Variants in GDA observed in about 807,000 individuals in gnomAD.
GDA encodes cytoplasmic PSD-95 interactor.
Under a neutral mutation model 59.6 loss-of-function variants are expected in GDA, and 18 were observed. The observed-to-expected ratio is 0.30, with a 90% CI of 0.21 to 0.45. The LOEUF (loss-of-function observed/expected upper bound fraction) is 0.45. Ranked by LOEUF, GDA falls within the 20% of genes least tolerant of loss-of-function variation. GDA has a pLI of 1.00. For synonymous variants in GDA, 201 were observed against 201.1 expected (o/e 1.00, Z 0.00); for missense variants, 427 against 552.3 (o/e 0.77, Z 2.27).
At chr9:72,137,563 T>G (rs1362553346) in intron 1 of GDA, among the ~76,000 whole-genome samples, 2 of 151,950 alleles carry the variant, frequency 1.3e-5, no homozygotes, top group Admixed American at 1.3e-4. Flanking sequence ...CCTTTTTAAC[T>G]CTACAATTTT....
chr9:72,152,405 A>G lies in GDA; in HGVS notation c.123+2723A>G, dbSNP rs142972169. ...AATTATCTAGCCAACTTTTTGGTAT[A>G]AAGCAAAATACAGAGTTATACTTTC... On this transcript the variant is annotated intron_variant, in intron 1 of 13. Coordinates refer to ENST00000358399, the MANE Select transcript of GDA (RefSeq NM_004293.5). Among the ~76,000 whole-genome samples, 950 of 152,344 alleles carry G rather than the reference A, an allele frequency of 6.2e-3. 5 individuals are homozygous for G. The highest frequency in any genetic ancestry group is 0.01 in the Non-Finnish European group (709 of 68,040).
At chr9:72,139,069 G>A (rs886233438) in intron 1 of GDA, among the ~76,000 whole-genome samples, 1 of 152,148 alleles carries the variant, frequency 6.6e-6, no homozygotes, top group African/African-American at 2.4e-5. Flanking sequence ...CTAAAAATAT[G>A]GACAAGGCAT....
chr9:72,126,007 C>T (rs1825833682), intron 1 of GDA, among the ~76,000 whole-genome samples: 2 of 152,118 alleles, frequency 1.3e-5, no homozygotes, highest in South Asian at 4.1e-4. Flanking sequence ...ACCTCTGCCT[C>T]CTGGGTTCAA....
At chr9:72,137,558 T>C (rs374926090) in intron 1 of GDA, among the ~76,000 whole-genome samples, 44 of 152,210 alleles carry the variant, frequency 2.9e-4, no homozygotes, top group African/African-American at 1.0e-3. Flanking sequence ...AAGATCCTTT[T>C]TAACTCTACA....
At chr9:72,255,780 T>A (rs557912237), downstream of GDA, among the ~76,000 whole-genome samples, 15 of 151,970 alleles carry the variant, frequency 9.9e-5, no homozygotes, top group East Asian at 2.7e-3. Flanking sequence ...AGCTATGGAG[T>A]TTAGGTTGTT....
Position 72,149,633 on chromosome 9 carries a change from C to G in GDA, c.74C>G (p.Pro25Arg), listed in dbSNP as rs746196306. The G allele has an allele frequency of 6.2e-7, 1 of 1,609,038 alleles. No individual in the cohort carries two copies. Residue 25 changes from proline (P) to arginine (R), a missense_variant, in exon 1 of 14, where the codon CCC becomes CGC. Coordinates refer to ENST00000358399, the MANE Select transcript of GDA (RefSeq NM_004293.5). ...GTFVHSTWTCPMEVLRDHLLG... is the reference protein window; with the variant it reads ...GTFVHSTWTCRMEVLRDHLLG... The stretch of plus-strand genomic sequence containing the variant: ...TTCGTCCACTCCACCTGGACCTGCC[C>G]CATGGAGGTGCTGCGGGATCACCTC...
At chr9:72,187,164 T>G (rs1831959017) in intron 1 of GDA, among the ~76,000 whole-genome samples, 1 of 152,238 alleles carries the variant, frequency 6.6e-6, no homozygotes. Flanking sequence ...CCTAAAGAGA[T>G]AAGCACTGTC....
chr9:72,204,297 A>G (rs1416897241), intron 3 of GDA, among the ~76,000 whole-genome samples: 2 of 152,228 alleles, frequency 1.3e-5, no homozygotes, highest in Non-Finnish European at 1.5e-5. Context: ...CTTTATTCTC[A>G]AAATTTATTT....
intron 1 of GDA, among the ~76,000 whole-genome samples, chr9:72,174,715 T>C (rs1371102941): frequency 6.6e-6 from 1 of 151,516 alleles, no homozygotes. Context: ...TTGGGAACTG[T>C]TGAGGTTATA....
At chr9:72,116,386 CTTTT>C (rs201791483) in intron 1 of GDA, among the ~76,000 whole-genome samples, 2 of 128,326 alleles carry the variant, frequency 1.6e-5, no homozygotes, top group Non-Finnish European at 3.2e-5. Context: ...TTTCCCCAGC[CTTTT>C]TTTTTTTTTT....
chr9:72,247,442 A>T lies in GDA; in HGVS notation c.1294+9A>T, dbSNP rs374906989. On this transcript the variant is annotated intron_variant, in intron 13 of 13. Coordinates refer to ENST00000358399, the MANE Select transcript of GDA (RefSeq NM_004293.5). ...GAAGTTCCTCTATCTAGGTAGGTAG[A>T]TGCATGTCTCTATGCTAAATATTAA... is the stretch of plus-strand genomic sequence containing the variant. 2.1e-6 allele frequency: 3 copies of T among 1,399,446 alleles called. No homozygotes were observed. Among genetic ancestry groups the T allele is most frequent in the Non-Finnish European group, 3.0e-6 (3 of 984,734 alleles). 86.7% of individuals were successfully genotyped at this position (1,399,446 alleles called of 1,614,324 possible).
chr9:72,158,465 C>A (rs1004516647), intron 1 of GDA, among the ~76,000 whole-genome samples: 1 of 151,906 alleles, frequency 6.6e-6, no homozygotes, highest in Non-Finnish European at 1.5e-5. Context: ...TGGTGGCAGG[C>A]GCCTATAGTC....
intron 1 of GDA, among the ~76,000 whole-genome samples, chr9:72,182,137 T>C (rs1831305529): frequency 6.6e-6 from 1 of 152,160 alleles, no homozygotes; most frequent in East Asian, 1.9e-4. Context: ...TACATAATCA[T>C]GAATTATTAT....
chr9:72,173,707 CA>C, intron 1 of GDA, among the ~76,000 whole-genome samples: 1 of 152,232 alleles, frequency 6.6e-6, no homozygotes, highest in South Asian at 2.1e-4. Flanking sequence ...TTCCCATAGC[CA>C]GATCCATAAT....
intron 5 of GDA, among the ~76,000 whole-genome samples, chr9:72,215,584 T>C (rs1015171192): frequency 6.6e-6 from 1 of 151,982 alleles, no homozygotes; most frequent in Non-Finnish European, 1.5e-5. Flanking sequence ...GAAGATGTGG[T>C]TCCTTTTTCT....
chr9:72,203,604 G>T (rs566476094), intron 3 of GDA, among the ~76,000 whole-genome samples: 82 of 152,308 alleles, frequency 5.4e-4, no homozygotes, highest in African/African-American at 1.9e-3. Context: ...AAGCGCAAAT[G>T]CTGCCTTGTC....
chr9:72,212,013 T>A (rs753758871), intron 4 of GDA, among the ~76,000 whole-genome samples: 4 of 152,210 alleles, frequency 2.6e-5, no homozygotes, highest in African/African-American at 9.6e-5. Flanking sequence ...TTTAAAAATC[T>A]CTTATGACAG....
At chr9:72,157,693 A>G (rs1461726460) in intron 1 of GDA, among the ~76,000 whole-genome samples, 1 of 152,164 alleles carries the variant, frequency 6.6e-6, no homozygotes, top group Non-Finnish European at 1.5e-5. Flanking sequence ...TTCTTGGACC[A>G]TGGGTAGTAT....
intron 10 of GDA, among the ~76,000 whole-genome samples, chr9:72,236,141 T>G (rs892658394): frequency 2.0e-5 from 3 of 152,182 alleles, no homozygotes; most frequent in African/African-American, 4.8e-5. Flanking sequence ...TTGGAAACAT[T>G]CTCGCTTTTC....
Sources: gnomAD v4.1 joint callset for allele counts (sites outside exome capture counted in the v4.1 genomes callset) on GRCh38, gnomAD v4.1.1 for gene constraint, MANE v1.5 for transcripts, NCBI Gene and HGNC (gene_info 2026-07-23, HGNC 2026-07-21) for gene names.